PCDH15: variants seen among roughly 807,000 people sequenced by gnomAD.
The protein encoded by PCDH15 is protocadherin-15.
PCDH15 carries 129 observed loss-of-function variants against 178.5 expected under a neutral mutation model. The observed-to-expected ratio is 0.72, with a 90% CI of 0.63 to 0.84. The LOEUF is 0.84. Among genes scored for constraint, PCDH15 ranks in the 40% least tolerant of loss-of-function variants. The probability of loss-of-function intolerance (pLI) is 0.00; values close to 1 mark genes in which losing one functional copy is unlikely to be tolerated. For synonymous variants in PCDH15, 800 were observed against 732.0 expected, an observed-to-expected ratio of 1.09 and a Z score of -1.50; for missense variants, 2,230 against 2,099.9, an observed-to-expected ratio of 1.06 and a Z score of -1.21.
chr10:54,972,693 C>CA (rs1182074363), intron 2 of PCDH15, among the ~76,000 whole-genome samples: 1 of 149,986 alleles, frequency 6.7e-6, no homozygotes, highest in African/African-American at 2.4e-5. Context: ...ACTAAAAATA[C>CA]AAAAAATTAG....
rs1185831634 is a variant in PCDH15 at position 55,547,979 on chromosome 10, G to A, written c.-156+79646C>T. Among the ~76,000 whole-genome samples the A allele has an allele frequency of 4.0e-5, 6 of 150,630 alleles. No homozygotes were observed. The South Asian group carries it at 8.5e-4, about 21-fold the overall frequency. ...AGGGACAGAGAAACAGAGAGCTGAC[G>A]AGGCCTAGATATTCCAGCCATCCCA... On this transcript the variant is annotated intron_variant, in intron 2 of 5. Transcript: ENST00000613346.
chr10:55,614,583 C>A (rs1843437752), intron 2 of PCDH15, among the ~76,000 whole-genome samples: 1 of 152,070 alleles, frequency 6.6e-6, no homozygotes, highest in Non-Finnish European at 1.5e-5. Flanking sequence ...ATTCAAAATA[C>A]CCTTCCTTCT....
Position 54,599,259 on chromosome 10 carries a change from C to T in PCDH15, c.91+64913G>A, listed in dbSNP as rs536711911. Among the ~76,000 whole-genome samples, 15 of 152,154 alleles carry T rather than the reference C, an allele frequency of 9.9e-5. No homozygotes were observed. In the South Asian group the frequency reaches 3.1e-3, roughly 32 times the overall value. ...TCATGCTACCTGACTTCAAACTATC[C>T]TACAGGGCTACAGTAACCAAAACAA... On this transcript the variant is annotated intron_variant, in intron 2 of 37. Coordinates refer to ENST00000644397, the MANE Select transcript of PCDH15 (RefSeq NM_001384140.1).
intron 2 of PCDH15, among the ~76,000 whole-genome samples, chr10:54,536,496 A>T (rs936825436): frequency 1.3e-5 from 2 of 152,156 alleles, no homozygotes; most frequent in African/African-American, 4.8e-5. Flanking sequence ...TTTTTAAAAA[A>T]TAATTTCAAA....
intron 2 of PCDH15, among the ~76,000 whole-genome samples, chr10:55,118,434 T>A (rs1445659935): frequency 6.6e-6 from 1 of 152,188 alleles, no homozygotes; most frequent in Non-Finnish European, 1.5e-5. Flanking sequence ...AAGACTGGAC[T>A]ATGACATTCA....
At chr10:54,823,198 C>A (rs1344654839) in intron 3 of PCDH15, among the ~76,000 whole-genome samples, 1 of 109,054 alleles carries the variant, frequency 9.2e-6, no homozygotes, top group South Asian at 3.7e-4. Context: ...TTTTAAAACA[C>A]CAGCATAAAC....
At chr10:55,062,093 T>C (rs996179965) in intron 2 of PCDH15, among the ~76,000 whole-genome samples, 1 of 152,202 alleles carries the variant, frequency 6.6e-6, no homozygotes, top group African/African-American at 2.4e-5. Context: ...GACTAATCTT[T>C]CTTCTCCAAA....
At chr10:53,971,492 C>A (rs1213339577) in intron 21 of PCDH15, among the ~76,000 whole-genome samples, 2 of 152,170 alleles carry the variant, frequency 1.3e-5, no homozygotes, top group African/African-American at 2.4e-5. Flanking sequence ...AAGAAGAAGT[C>A]AAATTGTCCC....
intron 2 of PCDH15, among the ~76,000 whole-genome samples, chr10:54,556,139 G>T (rs2087235277): frequency 6.6e-6 from 1 of 152,126 alleles, no homozygotes; most frequent in Admixed American, 6.5e-5. Context: ...GTTTTCCTGT[G>T]GTGCCAAAAT....
intron 3 of PCDH15, among the ~76,000 whole-genome samples, chr10:54,431,951 T>C (rs866742867): frequency 6.6e-6 from 1 of 151,510 alleles, no homozygotes; most frequent in African/African-American, 2.4e-5. Flanking sequence ...ATTTTAGAAA[T>C]AAAAAATTCA....
At chr10:55,486,649 C>T (rs1462538490) in intron 2 of PCDH15, among the ~76,000 whole-genome samples, 1 of 151,444 alleles carries the variant, frequency 6.6e-6, no homozygotes, top group African/African-American at 2.4e-5. Flanking sequence ...TGTATAGGCT[C>T]ATAGTTTTGC....
At chr10:53,906,068 A>C (rs1029654008) in intron 25 of PCDH15, among the ~76,000 whole-genome samples, 1 of 152,228 alleles carries the variant, frequency 6.6e-6, no homozygotes, top group Non-Finnish European at 1.5e-5. Flanking sequence ...TTATAACAAT[A>C]CTGTATCATG....
intron 15 of PCDH15, among the ~76,000 whole-genome samples, chr10:54,128,739 C>G (rs984090636): frequency 6.6e-6 from 1 of 152,062 alleles, no homozygotes. Context: ...AACTTTTGCT[C>G]AATTGTGCTT....
At chr10:54,246,043 T>G (rs1224851837) in intron 8 of PCDH15, among the ~76,000 whole-genome samples, 1 of 151,950 alleles carries the variant, frequency 6.6e-6, no homozygotes, top group Non-Finnish European at 1.5e-5. Context: ...ATATGTAGCT[T>G]AAACTTCAGG....
At chr10:55,182,165 G>A (rs1438396277) in intron 1 of PCDH15, among the ~76,000 whole-genome samples, 1 of 151,934 alleles carries the variant, frequency 6.6e-6, no homozygotes. Flanking sequence ...GCAGGCTTCA[G>A]GGAGGTATAT....
intron 28 of PCDH15, among the ~76,000 whole-genome samples, chr10:53,848,771 G>A (rs912406019): frequency 6.6e-6 from 1 of 151,886 alleles, no homozygotes; most frequent in Non-Finnish European, 1.5e-5. Flanking sequence ...CCTTCATTAC[G>A]ATGATTCATT....
In PCDH15 at chr10:53,827,425, C is replaced by T. The variant is rs570557379; in HGVS notation, c.4335G>A (p.Ala1445=). The change falls in exon 32 of 38, where the codon GCG becomes GCA. Residue 1445 remains alanine, a synonymous_variant. Transcript: ENST00000644397. ...PPPPPPPPPG[A]HLYEELGDSS... The stretch of plus-strand genomic sequence containing the variant: ...TGTCTCCAAGTTCTTCATAGAGATG[C>T]GCACCTGGCGGAGGCGGCGGCGGCG... 3.7e-6 allele frequency: 6 copies of T among 1,612,964 alleles called. No homozygotes were observed. Among genetic ancestry groups the T allele is most frequent in the East Asian group, 2.2e-5 (1 of 44,848 alleles).
intron 13 of PCDH15, among the ~76,000 whole-genome samples, chr10:54,171,239 C>T (rs931137916): frequency 5.3e-5 from 8 of 152,054 alleles, no homozygotes; most frequent in African/African-American, 9.7e-5. Context: ...ATATCCCTTA[C>T]GGTCCTCCGT....
At chr10:55,346,029 C>G (rs1170343008) in intron 2 of PCDH15, among the ~76,000 whole-genome samples, 1 of 152,062 alleles carries the variant, frequency 6.6e-6, no homozygotes, top group African/African-American at 2.4e-5. Context: ...ACTCTAACAA[C>G]ACGCAGAATA....
Sources: gnomAD v4.1 joint callset for allele counts (sites outside exome capture counted in the v4.1 genomes callset) on GRCh38, gnomAD v4.1.1 for gene constraint, MANE v1.5 for transcripts, NCBI Gene and HGNC (gene_info 2026-07-23, HGNC 2026-07-21) for gene names.